Variants in NFIC observed in about 807,000 individuals in gnomAD.
NFIC encodes the protein nuclear factor 1 C-type.
Under a neutral mutation model 54.4 loss-of-function variants are expected in NFIC, and 12 were observed. That is an observed-to-expected ratio of 0.22 (90% CI 0.14 to 0.36). The LOEUF is 0.36. Ranked by LOEUF, NFIC falls within the 10% of genes least tolerant of loss-of-function variation. NFIC has a pLI of 1.00. For missense variants in NFIC, 575 were observed against 718.2 expected (o/e 0.80, Z 2.28); for synonymous variants, 322 against 319.2 (o/e 1.01, Z -0.09).
chr19:3,384,980 T>C (rs962355190), intron 2 of NFIC, among the ~76,000 whole-genome samples: 7 of 151,766 alleles, frequency 4.6e-5, no homozygotes, highest in African/African-American at 1.7e-4. Context: ...AGCGAGCTTT[T>C]CTGCTGCAGT....
At chr19:3,365,505 C>T (rs888083980), upstream of NFIC, among the ~76,000 whole-genome samples, 1 of 152,174 alleles carries the variant, frequency 6.6e-6, no homozygotes, top group Admixed American at 6.5e-5. Flanking sequence ...GCCCTGTCAT[C>T]AGATGCCCTG....
Position 3,437,002 on chromosome 19 carries a change from C to T in NFIC, c.958+1795C>T, listed in dbSNP as rs560985903. 1.8e-4 allele frequency among the ~76,000 whole-genome samples: 27 copies of T among 152,086 alleles called. 1 individual carries two copies. In the South Asian group the frequency reaches 5.2e-3, roughly 29 times the overall value. ...ACAGGAGGAGGAAGGGTAGGATGTGCGTGAAGCAACCGTCTGGCCCATGCG... is the reference window on the plus strand; with the variant it reads ...ACAGGAGGAGGAAGGGTAGGATGTGTGTGAAGCAACCGTCTGGCCCATGCG... On this transcript the variant is annotated intron_variant, in intron 6 of 10. Coordinates refer to ENST00000443272, the MANE Select transcript of NFIC (RefSeq NM_001245002.2).
chr19:3,364,736 A>AGGC (rs2080860007), upstream of NFIC, among the ~76,000 whole-genome samples: 1 of 152,178 alleles, frequency 6.6e-6, no homozygotes, highest in Admixed American at 6.6e-5. Flanking sequence ...TGAAGGCTGC[A>AGGC]GGCAGGGTGG....
Position 3,370,744 on chromosome 19 carries a change from TTC to T in NFIC, c.30+4088_30+4089del, listed in dbSNP as rs1334521458. Among the ~76,000 whole-genome samples the T allele has an allele frequency of 6.6e-5, 10 of 151,600 alleles. No individual in the cohort carries two copies. Among genetic ancestry groups the T allele is most frequent in the East Asian group, 1.9e-4 (1 of 5,156 alleles). On this transcript the variant is annotated intron_variant, in intron 1 of 10. Transcript: ENST00000443272. The surrounding 1 kb of genome is among the most constrained non-coding windows in gnomAD (Gnocchi z 5.2). ...CCTCTCTCTCTGTTCCTCCTCTTCTTTCTCTCTCTCTGTCTCTCTGAGCTGGC... is the reference window on the plus strand; with the variant it reads ...CCTCTCTCTCTGTTCCTCCTCTTCTTTCTCTCTCTGTCTCTCTGAGCTGGC...
chr19:3,372,539 C>T (rs1297449726), intron 1 of NFIC, among the ~76,000 whole-genome samples: 4 of 152,126 alleles, frequency 2.6e-5, no homozygotes, highest in Admixed American at 6.5e-5. Flanking sequence ...GGGTCGGGGA[C>T]GGGCAGGAAA....
Position 3,463,036 on chromosome 19 carries a change from G to A in NFIC, c.*267G>A. On this transcript the variant is annotated 3_prime_UTR_variant, in exon 11 of 11. Transcript: ENST00000443272. Reference sequence around the variant, plus strand: ...AAGACGCAACGTTTCCAACTCTCGGGACGCCAAGGCCGCAGGACTGGAGGG... The same window carrying A: ...AAGACGCAACGTTTCCAACTCTCGGAACGCCAAGGCCGCAGGACTGGAGGG... The A allele has an allele frequency of 1.5e-6, 2 of 1,345,040 alleles. No homozygotes were observed. Among genetic ancestry groups the A allele is most frequent in the Non-Finnish European group, 1.9e-6 (2 of 1,052,158 alleles). 83.3% of individuals were successfully genotyped at this position (1,345,040 alleles called of 1,614,324 possible).
rs75694930 is a variant in NFIC, at chr19:3,369,990, C to G, written c.30+3324C>G. ...GGAGAGGCTGTCCTCCCACCCCAGA[C>G]CCCCGACCTTTGTTGGATTTTCTAG... is the stretch of plus-strand genomic sequence containing the variant. On this transcript the variant is annotated intron_variant, in intron 1 of 10. Transcript: ENST00000443272. This position sits in a 1 kb window ranked among gnomAD's most constrained non-coding sequence, Gnocchi z 4.3. Among the ~76,000 whole-genome samples the G allele has an allele frequency of 0.016, 2,386 of 152,294 alleles. 29 individuals are homozygous for G. The highest frequency in any genetic ancestry group is 0.025 in the Non-Finnish European group (1,724 of 68,006).
intron 6 of NFIC, among the ~76,000 whole-genome samples, chr19:3,442,874 C>A (rs1340362103): frequency 6.6e-6 from 1 of 152,240 alleles, no homozygotes; most frequent in Non-Finnish European, 1.5e-5. Context: ...CTGCACGGGG[C>A]AGCTGTGAGG....
At chr19:3,380,294 G>A (rs527818166) in intron 1 of NFIC, among the ~76,000 whole-genome samples, 21 of 143,778 alleles carry the variant, frequency 1.5e-4, no homozygotes, top group South Asian at 6.6e-4. Context: ...GTGAGCCACC[G>A]TGCCCAGCCT....
chr19:3,432,885 A>T (rs1289644533), intron 3 of NFIC, among the ~76,000 whole-genome samples: 1 of 151,720 alleles, frequency 6.6e-6, no homozygotes, highest in Non-Finnish European at 1.5e-5. Context: ...GTTAGCCAGG[A>T]TGGTCTCCAT....
chr19:3,361,489 TCTCCACCCCCA>T (rs1434137687), intron 1 of NFIC, among the ~76,000 whole-genome samples: 1 of 138,402 alleles, frequency 7.2e-6, no homozygotes, highest in Admixed American at 7.3e-5. Context: ...TCCCCGCCGC[TCTCCACCCCCA>T]CCCCACCCCC....
chr19:3,376,753 A>G (rs1238895814), intron 1 of NFIC, among the ~76,000 whole-genome samples: 1 of 151,984 alleles, frequency 6.6e-6, no homozygotes, highest in African/African-American at 2.4e-5. Flanking sequence ...TTTGAGACGG[A>G]GTCTCGCTCT....
chr19:3,367,561 G>A (rs923874437), intron 1 of NFIC, among the ~76,000 whole-genome samples: 41 of 152,344 alleles, frequency 2.7e-4, no homozygotes, highest in Non-Finnish European at 8.8e-5. Context: ...TGCAATGGCC[G>A]AGGGGGTGTG....
chr19:3,427,453 G>A (rs2082044194), intron 3 of NFIC, among the ~76,000 whole-genome samples: 1 of 152,070 alleles, frequency 6.6e-6, no homozygotes, highest in Non-Finnish European at 1.5e-5. Context: ...CTTGTAGAAA[G>A]AAAAGAAGGA....
At position 3,453,172 on chromosome 19, in the gene NFIC, G is replaced by A. The variant is rs1435998969; in HGVS notation, c.1269+506G>A. ...GAGGATCGCTTGAACCTGGGAGGTCGAGGCTGCTGTGAGCTGTGATTGTGC... is the reference window on the plus strand; with the variant it reads ...GAGGATCGCTTGAACCTGGGAGGTCAAGGCTGCTGTGAGCTGTGATTGTGC... On this transcript the variant is annotated intron_variant, in intron 8 of 10. Coordinates refer to ENST00000443272, the MANE Select transcript of NFIC (RefSeq NM_001245002.2). This position sits in a 1 kb window ranked among gnomAD's most constrained non-coding sequence, Gnocchi z 6.7. Among the ~76,000 whole-genome samples, 2 of 152,170 alleles carry A rather than the reference G, an allele frequency of 1.3e-5. No homozygotes were observed. Among genetic ancestry groups the A allele is most frequent in the African/African-American group, 4.8e-5 (2 of 41,424 alleles).
At chr19:3,434,950 C>T in intron 5 of NFIC, 133 bp from the exon 6 acceptor site, 1 of 1,256,394 alleles carries the variant, frequency 8.0e-7, no homozygotes, top group Non-Finnish European at 1.1e-6. Context: ...ACGCCCGCGG[C>T]TCCCGCGATG....
intron 2 of NFIC, among the ~76,000 whole-genome samples, chr19:3,422,281 C>T (rs1302281278): frequency 2.0e-5 from 3 of 151,692 alleles, no homozygotes; most frequent in Admixed American, 6.6e-5. Context: ...ACTATGTTGC[C>T]CTGGCTGGTC....
chr19:3,413,031 C>A (rs2081790927), intron 2 of NFIC, among the ~76,000 whole-genome samples: 1 of 152,182 alleles, frequency 6.6e-6, no homozygotes, highest in Non-Finnish European at 1.5e-5. Flanking sequence ...TCACTGCAAT[C>A]TCCGCCTTCC....
At chr19:3,397,578 T>G (rs2081484623) in intron 2 of NFIC, among the ~76,000 whole-genome samples, 1 of 152,164 alleles carries the variant, frequency 6.6e-6, no homozygotes, top group Non-Finnish European at 1.5e-5. Context: ...CTGCCTTGTC[T>G]CAGTCCCTGT....
Sources: gnomAD v4.1 joint callset for allele counts (sites outside exome capture counted in the v4.1 genomes callset) on GRCh38, gnomAD v4.1.1 for gene constraint, Gnocchi (gnomAD v3.1) non-coding constraint, MANE v1.5 for transcripts, NCBI Gene and HGNC (gene_info 2026-07-23, HGNC 2026-07-21) for gene names.